Variants in ANKRD30BL observed in about 807,000 individuals in gnomAD.
The protein encoded by ANKRD30BL is putative ankyrin repeat domain-containing protein 30B-like.
Under a neutral mutation model 18.4 loss-of-function variants are expected in ANKRD30BL, and 20 were observed. The observed-to-expected ratio is 1.09, with a 90% confidence interval of 0.77 to 1.58. The LOEUF is 1.58. Ranked by LOEUF, ANKRD30BL falls within the 40% of genes most tolerant of loss-of-function variation. The pLI is 0.00. For missense variants in ANKRD30BL, 224 were observed against 268.6 expected (o/e 0.83, Z 1.16); for synonymous variants, 72 against 100.9 (o/e 0.71, Z 1.72).
At chr2:132,217,896 G>A (rs576600003) in intron 1 of ANKRD30BL, among the ~76,000 whole-genome samples, 2 of 151,934 alleles carry the variant, frequency 1.3e-5, no homozygotes, top group East Asian at 3.9e-4. Context: ...TGTAGAATCT[G>A]CATGTGGATA....
rs575401908 is a variant in ANKRD30BL at position 132,237,677 on chromosome 2, T to G, written n.441+19852A>C. 4.8e-3 allele frequency among the ~76,000 whole-genome samples: 735 copies of G among 152,244 alleles called. 4 individuals carry two copies. The highest frequency in any genetic ancestry group is 8.6e-3 in the Non-Finnish European group (588 of 68,016). On this transcript the variant is annotated intron_variant and non_coding_transcript_variant, in intron 1 of 4. Transcript: ENST00000470729. ...CTGCTTTGTGATGCTTGCAATCAAC[T>G]CACAGAGTTGAACATTCCTTTTCAT... is the stretch of plus-strand genomic sequence containing the variant.
Position 132,255,936 on chromosome 2 carries a change from G to A in ANKRD30BL, n.441+1593C>T, listed in dbSNP as rs550316888. On this transcript the variant is annotated intron_variant and non_coding_transcript_variant, in intron 1 of 4. Transcript: ENST00000470729. ...GCTGGCGGCACCCGACCCCCCGGCC[G>A]GGGACGGAGAGGGGCTGACTGGGTT... Among the ~76,000 whole-genome samples the A allele has an allele frequency of 1.5e-3, 228 of 152,284 alleles. 1 individual carries two copies. The highest frequency in any genetic ancestry group is 5.1e-3 in the African/African-American group (212 of 41,566).
At chr2:132,217,157 G>T (rs545176966) in intron 1 of ANKRD30BL, among the ~76,000 whole-genome samples, 74 of 152,254 alleles carry the variant, frequency 4.9e-4, no homozygotes, top group African/African-American at 1.4e-3. Flanking sequence ...TCCACTCACA[G>T]AGTTGGACAC....
chr2:132,215,238 C>A (rs981804578), intron 1 of ANKRD30BL, among the ~76,000 whole-genome samples: 32 of 152,042 alleles, frequency 2.1e-4, no homozygotes, highest in South Asian at 2.1e-4. Context: ...TGTGTGCATT[C>A]ATCTCACAGA....
chr2:132,243,432 A>G (rs1250823711), intron 1 of ANKRD30BL, among the ~76,000 whole-genome samples: 1 of 150,424 alleles, frequency 6.6e-6, no homozygotes, highest in Admixed American at 6.6e-5. Flanking sequence ...TACAAATTAC[A>G]TTGTGATGTG....
At chr2:132,192,952 G>A (rs76485842) in intron 1 of ANKRD30BL, among the ~76,000 whole-genome samples, 152 of 152,318 alleles carry the variant, frequency 1.0e-3, no homozygotes, top group African/African-American at 3.5e-3. Flanking sequence ...GAATCATCTG[G>A]TCAGAGGCTT....
chr2:132,203,791 T>C (rs10432336), intron 1 of ANKRD30BL, among the ~76,000 whole-genome samples: 4,793 of 111,938 alleles, frequency 0.043, 76 homozygotes, highest in African/African-American at 0.13. Flanking sequence ...CAATAATTAA[T>C]ATGTAATTTA....
At chr2:132,257,675 G>C (rs1019266888) in exon 1 of ANKRD30BL, 4 of 158,874 alleles carry the variant, frequency 2.5e-5, no homozygotes, top group African/African-American at 9.6e-5. Context: ...TCTCACCGAG[G>C]GTGGGTCACA....
At chr2:132,183,851 A>T (rs1367163760) in intron 1 of ANKRD30BL, among the ~76,000 whole-genome samples, 1 of 152,002 alleles carries the variant, frequency 6.6e-6, no homozygotes, top group Non-Finnish European at 1.5e-5. Flanking sequence ...TCTCCTCCAC[A>T]TAGTGGTATT....
intron 1 of ANKRD30BL, among the ~76,000 whole-genome samples, chr2:132,158,154 G>A (rs1392485639): frequency 6.6e-6 from 1 of 152,168 alleles, no homozygotes; most frequent in Non-Finnish European, 1.5e-5. Context: ...GGCAGTCTTA[G>A]TCATAGGATT....
chr2:132,202,799 A>G (rs918029612), intron 1 of ANKRD30BL, among the ~76,000 whole-genome samples: 12 of 152,222 alleles, frequency 7.9e-5, no homozygotes, highest in Non-Finnish European at 1.8e-4. Flanking sequence ...CTACTACAAC[A>G]TTTGAAGGCC....
At chr2:132,200,111 T>C (rs1309867695) in intron 1 of ANKRD30BL, among the ~76,000 whole-genome samples, 1 of 152,052 alleles carries the variant, frequency 6.6e-6, no homozygotes, top group African/African-American at 2.4e-5. Flanking sequence ...TGCTAAAAAC[T>C]CTCAATAAAT....
intron 1 of ANKRD30BL, among the ~76,000 whole-genome samples, chr2:132,223,278 T>C (rs1679746226): frequency 6.6e-6 from 1 of 152,108 alleles, no homozygotes; most frequent in Admixed American, 6.6e-5. Flanking sequence ...AACGGAAATA[T>C]ATTCACATAA....
At chr2:132,235,601 G>T (rs925060549) in intron 1 of ANKRD30BL, among the ~76,000 whole-genome samples, 6 of 151,966 alleles carry the variant, frequency 3.9e-5, no homozygotes, top group Admixed American at 1.3e-4. Context: ...GCTTCAAAGA[G>T]AATAAAATAC....
At chr2:132,216,622 T>C (rs1292561757) in intron 1 of ANKRD30BL, among the ~76,000 whole-genome samples, 1 of 152,088 alleles carries the variant, frequency 6.6e-6, no homozygotes, top group African/African-American at 2.4e-5. Flanking sequence ...TGAGCACCTT[T>C]GAAACATTAT....
intron 1 of ANKRD30BL, among the ~76,000 whole-genome samples, chr2:132,212,672 C>G (rs567229760): frequency 4.8e-4 from 73 of 152,024 alleles, no homozygotes; most frequent in African/African-American, 1.6e-3. Flanking sequence ...TTCTGAGAAA[C>G]TTCTTTGTGA....
chr2:132,222,052 G>C lies in ANKRD30BL; in HGVS notation n.441+35477C>G, dbSNP rs868643833. On this transcript the variant is annotated intron_variant and non_coding_transcript_variant, in intron 1 of 4. Transcript: ENST00000470729. Reference sequence around the variant, plus strand: ...CTGTCCGGGAGGGAGGCGGGGGGGGGGGTCGGCCAGCCGCCCCGTCCGGGA... The same window carrying C: ...CTGTCCGGGAGGGAGGCGGGGGGGGCGGTCGGCCAGCCGCCCCGTCCGGGA... 3.9e-4 allele frequency among the ~76,000 whole-genome samples: 45 copies of C among 116,846 alleles called. 1 individual carries two copies. Among genetic ancestry groups the C allele is most frequent in the Non-Finnish European group, 6.6e-4 (37 of 56,330 alleles). The allele number at this position is 116,846 out of a possible 152,430, so 76.7% of individuals were successfully genotyped here.
chr2:132,242,944 G>A lies in ANKRD30BL; in HGVS notation n.441+14585C>T, dbSNP rs75615923. ...ACTTTGTGATGTGTGTACTCAACTCGCAGAGTTAAATCTTTCCTTTGGTAC... is the reference window on the plus strand; with the variant it reads ...ACTTTGTGATGTGTGTACTCAACTCACAGAGTTAAATCTTTCCTTTGGTAC... On this transcript the variant is annotated intron_variant and non_coding_transcript_variant, in intron 1 of 4. Transcript: ENST00000470729. 8.2e-3 allele frequency among the ~76,000 whole-genome samples: 1,228 copies of A among 149,932 alleles called. 10 individuals carry two copies. Among genetic ancestry groups the A allele is most frequent in the Middle Eastern group, 0.035 (10 of 284 alleles).
intron 1 of ANKRD30BL, among the ~76,000 whole-genome samples, chr2:132,253,530 C>A (rs578171489): frequency 6.6e-6 from 1 of 152,114 alleles, no homozygotes; most frequent in Non-Finnish European, 1.5e-5. Context: ...CCCCACAGAG[C>A]GGGGTACAGG....
Sources: gnomAD v4.1 joint callset for allele counts (sites outside exome capture counted in the v4.1 genomes callset) on GRCh38, gnomAD v4.1.1 for gene constraint, MANE v1.5 for transcripts, NCBI Gene and HGNC (gene_info 2026-07-23, HGNC 2026-07-21) for gene names.